GARNL3: variants seen among roughly 807,000 people sequenced by gnomAD.
The protein encoded by GARNL3 is GTPase activating Rap/RanGAP domain like 3.
In GARNL3, 63 loss-of-function variants were observed where a neutral mutation model predicts 125.0. The observed-to-expected ratio is 0.50, with a 90% confidence interval of 0.41 to 0.62. The LOEUF (loss-of-function observed/expected upper bound fraction) is 0.62, where lower values mean the gene tolerates loss of function less well. Ranked by LOEUF, GARNL3 falls within the 20% of genes least tolerant of loss-of-function variation. The pLI is 0.00. For missense variants in GARNL3, 994 were observed against 1,244.0 expected (o/e 0.80, Z 3.02); for synonymous variants, 439 against 457.5 (o/e 0.96, Z 0.52).
chr9:127,287,702 C>T (rs1481319944), intron 1 of GARNL3, among the ~76,000 whole-genome samples: 1 of 152,218 alleles, frequency 6.6e-6, no homozygotes, highest in East Asian at 1.9e-4. Context: ...CACCCATGCT[C>T]TCCTCAGGCA....
At chr9:127,258,491 T>TTTTTGTAC (rs1382356787) in intron 2 of GARNL3, among the ~76,000 whole-genome samples, 1 of 151,982 alleles carries the variant, frequency 6.6e-6, no homozygotes, top group Non-Finnish European at 1.5e-5. Flanking sequence ...ATATGAAAAT[T>TTTTTGTAC]AGCCGGGTGT....
In GARNL3 at chr9:127,352,505, G is replaced by A. The variant is rs549332288; in HGVS notation, c.1544-1341G>A. ...TTTGAAAAATTAAGTCTGCCCCAGC[G>A]GAAGTACAAAGACCCTGAGAATTAG... On this transcript the variant is annotated intron_variant, in intron 17 of 27. Coordinates refer to ENST00000373387, the MANE Select transcript of GARNL3 (RefSeq NM_032293.5). Among the ~76,000 whole-genome samples, 6 of 152,314 alleles carry A rather than the reference G, an allele frequency of 3.9e-5. No homozygotes were observed. In the South Asian group the frequency reaches 6.2e-4, roughly 16 times the overall value.
intron 1 of GARNL3, among the ~76,000 whole-genome samples, chr9:127,285,767 G>A (rs999100854): frequency 6.6e-6 from 1 of 152,072 alleles, no homozygotes; most frequent in Non-Finnish European, 1.5e-5. Context: ...TTTATTTGAT[G>A]TCTTTTTCTC....
At chr9:127,368,008 C>CTTTTT (rs10573639) in intron 22 of GARNL3, among the ~76,000 whole-genome samples, 186 of 81,860 alleles carry the variant, frequency 2.3e-3, no homozygotes, top group African/African-American at 3.5e-3. Flanking sequence ...CATAGACTTT[C>CTTTTT]TTTTTTTTTT....
intron 27 of GARNL3, 65 bp from the exon 28 acceptor site, chr9:127,393,018 G>GA: frequency 1.5e-6 from 2 of 1,361,172 alleles, no homozygotes; most frequent in African/African-American, 1.5e-5. Context: ...GAAATTGCCA[G>GA]AAAAAAATAG....
chr9:127,298,133 C>T (rs1404156679), intron 2 of GARNL3, among the ~76,000 whole-genome samples: 1 of 152,156 alleles, frequency 6.6e-6, no homozygotes, highest in Non-Finnish European at 1.5e-5. Context: ...TGGGGTCTGC[C>T]CCAACTTGAT....
chr9:127,321,410 G>A (rs1171784258), intron 6 of GARNL3, among the ~76,000 whole-genome samples: 2 of 152,176 alleles, frequency 1.3e-5, no homozygotes. Context: ...GAGCCACCAC[G>A]CCCAGCCTGG....
intron 1 of GARNL3, among the ~76,000 whole-genome samples, chr9:127,233,241 T>C (rs2063051233): frequency 6.6e-6 from 1 of 152,138 alleles, no homozygotes; most frequent in South Asian, 2.1e-4. Flanking sequence ...CAATAATATT[T>C]CTAGCATATG....
Position 127,384,805 on chromosome 9 carries a change from C to T in GARNL3, c.2270-222C>T, listed in dbSNP as rs1832454994. On this transcript the variant is annotated intron_variant, in intron 23 of 27. Coordinates refer to ENST00000373387, the MANE Select transcript of GARNL3 (RefSeq NM_032293.5). This position sits in a 1 kb window ranked among gnomAD's most constrained non-coding sequence, Gnocchi z 4.0. ...TGGCAGCAAGCATGGTGACAGTGCA[C>T]ACCTCCTGGGAGGCGCAGTGTGGCA... is the stretch of plus-strand genomic sequence containing the variant. Among the ~76,000 whole-genome samples, 1 of 152,184 alleles carries T rather than the reference C, an allele frequency of 6.6e-6. No individual in the cohort carries two copies. Among genetic ancestry groups the T allele is most frequent in the African/African-American group, 2.4e-5 (1 of 41,432 alleles).
At chr9:127,336,029 A>G (rs1014530777) in intron 10 of GARNL3, 99 bp from the exon 11 acceptor site, 2 of 843,812 alleles carry the variant, frequency 2.4e-6, no homozygotes, top group South Asian at 1.6e-5. Flanking sequence ...GCTCTGTCAT[A>G]GTGGCTGTGG....
chr9:127,339,885 T>C, intron 13 of GARNL3, 134 bp downstream of exon 13: 2 of 694,212 alleles, frequency 2.9e-6, no homozygotes, highest in South Asian at 3.4e-5. Flanking sequence ...TTGCACAACA[T>C]GTGTTTAGTA....
At position 127,313,450 on chromosome 9, in the gene GARNL3, A is replaced by G. The variant is rs1324502730; in HGVS notation, c.329A>G (p.Asn110Ser). Residue 110 changes from asparagine (N) to serine (S), a missense_variant, in exon 4 of 28, where the codon AAC (asparagine) becomes AGC (serine). Around this residue, in one of 5 missense-constraint regions of GARNL3, gnomAD observed 139 missense variants for 231.6 expected, o/e 0.60. Transcript: ENST00000373387. ...FKYFLGQVHQ[N>S]YIGNDAEKSP... ...AACCTTTCTTTTCCAGTCCATCAGA[A>G]CTACATTGGAAACGATGCCGAGAAG... 1 of 1,612,676 alleles carries G rather than the reference A, an allele frequency of 6.2e-7. No individual in the cohort carries two copies. The highest frequency in any genetic ancestry group is 8.5e-7 in the Non-Finnish European group (1 of 1,178,760).
At chr9:127,368,705 C>T (rs1294827500) in intron 22 of GARNL3, among the ~76,000 whole-genome samples, 7 of 149,026 alleles carry the variant, frequency 4.7e-5, no homozygotes, top group South Asian at 2.2e-4. Context: ...GAGGCTGAGG[C>T]GGGCAGATCA....
chr9:127,309,616 A>C (rs1229824347), intron 2 of GARNL3, among the ~76,000 whole-genome samples: 1 of 152,234 alleles, frequency 6.6e-6, no homozygotes, highest in East Asian at 1.9e-4. Flanking sequence ...ATGACCTAGT[A>C]GGGTGGATTC....
chr9:127,311,987 C>G (rs1197417900), intron 3 of GARNL3, among the ~76,000 whole-genome samples: 1 of 152,060 alleles, frequency 6.6e-6, no homozygotes, highest in Non-Finnish European at 1.5e-5. Context: ...AAGATTAGAT[C>G]ATCTGAAAAA....
chr9:127,383,346 T>C, intron 22 of GARNL3, 92 bp from the exon 23 acceptor site: 1 of 730,032 alleles, frequency 1.4e-6, no homozygotes, highest in Non-Finnish European at 2.3e-6. Context: ...GCAGATAGGG[T>C]ACTATTCTTG....
intron 7 of GARNL3, among the ~76,000 whole-genome samples, chr9:127,326,265 A>C (rs2065568835): frequency 6.6e-6 from 1 of 152,204 alleles, no homozygotes; most frequent in South Asian, 2.1e-4. Flanking sequence ...TGAGAATAAA[A>C]GCACCATGAG....
At chr9:127,293,642 G>A (rs912210398) in intron 2 of GARNL3, among the ~76,000 whole-genome samples, 4 of 151,842 alleles carry the variant, frequency 2.6e-5, no homozygotes, top group African/African-American at 7.3e-5. Flanking sequence ...TATCATCTGC[G>A]ACCGAGAATT....
At chr9:127,232,831 T>C (rs1050297997) in intron 1 of GARNL3, among the ~76,000 whole-genome samples, 1 of 152,216 alleles carries the variant, frequency 6.6e-6, no homozygotes, top group South Asian at 2.1e-4. Context: ...GCTCAAGGCC[T>C]TTCCTCATCG....
Sources: gnomAD v4.1 joint callset for allele counts (sites outside exome capture counted in the v4.1 genomes callset) on GRCh38, gnomAD v4.1.1 for gene constraint, gnomAD v4.1.1 regional missense constraint, Gnocchi (gnomAD v3.1) non-coding constraint, MANE v1.5 for transcripts, NCBI Gene and HGNC (gene_info 2026-07-23, HGNC 2026-07-21) for gene names.